FRMD3: variants seen among roughly 807,000 people sequenced by gnomAD.
FRMD3 encodes FERM domain containing 3.
In FRMD3, 33 loss-of-function variants were observed where a neutral mutation model predicts 70.2. The observed-to-expected ratio is 0.47, with a 90% CI of 0.36 to 0.63. FRMD3 has a LOEUF of 0.63. Ranked by LOEUF, FRMD3 falls within the 20% of genes least tolerant of loss-of-function variation. The probability of loss-of-function intolerance (pLI) is 0.00; values close to 1 mark genes in which losing one functional copy is unlikely to be tolerated. For missense variants in FRMD3, 632 were observed against 711.4 expected (o/e 0.89, Z 1.27); for synonymous variants, 279 against 255.9 (o/e 1.09, Z -0.86).
chr9:83,545,782 T>C, the FRMD3 span, among the ~76,000 whole-genome samples: 1 of 152,144 alleles, frequency 6.6e-6, no homozygotes, highest in African/African-American at 2.4e-5. Flanking sequence ...AAAACCTATT[T>C]GAGGGAATAA....
Position 83,467,075 on chromosome 9 carries a change from G to A in FRMD3, c.147+71010C>T, listed in dbSNP as rs184354020. Among the ~76,000 whole-genome samples the A allele has an allele frequency of 5.9e-5, 9 of 152,198 alleles. No homozygotes were observed. The South Asian group carries it at 1.5e-3, about 25-fold the overall frequency. ...AGCCTTGCATCTTAATATTGAGCAG[G>A]CTCTTAAAACAATCAAAAGAATTTC... On this transcript the variant is annotated intron_variant, in intron 1 of 13. Transcript: ENST00000304195.
At chr9:83,539,695 G>C (rs541800910), upstream of FRMD3, among the ~76,000 whole-genome samples, 1 of 152,208 alleles carries the variant, frequency 6.6e-6, no homozygotes, top group East Asian at 1.9e-4. Flanking sequence ...ATTGCATTTG[G>C]ACTTCTCTCT....
chr9:83,525,500 T>C (rs1345983583), intron 1 of FRMD3, among the ~76,000 whole-genome samples: 1 of 152,204 alleles, frequency 6.6e-6, no homozygotes. Context: ...TAAAGATAAA[T>C]TATTGCAGCA....
At chr9:83,260,754 C>T (rs1318795239) in intron 13 of FRMD3, among the ~76,000 whole-genome samples, 1 of 152,032 alleles carries the variant, frequency 6.6e-6, no homozygotes, top group Non-Finnish European at 1.5e-5. Flanking sequence ...TTCTATCAGT[C>T]CCTCAAATGT....
In FRMD3 at chr9:83,458,569, C is replaced by T. The variant is rs188844925; in HGVS notation, c.148-68861G>A. On this transcript the variant is annotated intron_variant, in intron 1 of 13. Transcript: ENST00000304195. ...CCTACCATAAAGCCGAAGAGAAAAC[C>T]TCCACTAAATGAGCTTCCTTCCACA... Among the ~76,000 whole-genome samples, 10 of 152,320 alleles carry T rather than the reference C, an allele frequency of 6.6e-5. No individual in the cohort carries two copies. In the East Asian group the frequency reaches 1.9e-3, roughly 29 times the overall value.
intron 1 of FRMD3, among the ~76,000 whole-genome samples, chr9:83,457,870 C>T (rs185616655): frequency 1.3e-5 from 2 of 152,052 alleles, no homozygotes; most frequent in Admixed American, 6.5e-5. Context: ...ACCATGTATA[C>T]ATATATCAAA....
intron 2 of FRMD3, among the ~76,000 whole-genome samples, chr9:83,389,101 C>G (rs928557372): frequency 6.6e-6 from 1 of 152,032 alleles, no homozygotes; most frequent in African/African-American, 2.4e-5. Context: ...GCACATGCCA[C>G]CATGCCCAGC....
chr9:83,412,677 G>A (rs1397156228), intron 1 of FRMD3, among the ~76,000 whole-genome samples: 1 of 152,172 alleles, frequency 6.6e-6, no homozygotes, highest in African/African-American at 2.4e-5. Flanking sequence ...GTTGACTAAA[G>A]GATGCTTTAA....
chr9:83,288,879 A>T (rs963253610), intron 13 of FRMD3, among the ~76,000 whole-genome samples: 14 of 152,174 alleles, frequency 9.2e-5, no homozygotes, highest in African/African-American at 3.4e-4. Context: ...TCCCTTTCAC[A>T]TCTTGGGGGA....
chr9:83,343,624 C>T (rs1196299868), intron 4 of FRMD3, among the ~76,000 whole-genome samples: 2 of 152,226 alleles, frequency 1.3e-5, no homozygotes, highest in Admixed American at 6.5e-5. Flanking sequence ...CCATGGCCAC[C>T]GTCATCACTA....
rs903432768 is a variant in FRMD3 at position 83,313,593 on chromosome 9, C to T, written c.684+67G>A. 1.7e-5 allele frequency: 21 copies of T among 1,268,926 alleles called. No individual in the cohort carries two copies. In the Admixed American group the frequency reaches 2.0e-4, roughly 12 times the overall value. 78.6% of individuals were successfully genotyped at this position (1,268,926 alleles called of 1,614,324 possible). A position where few individuals can be genotyped will look rare whatever the true frequency, so the allele number is the denominator to read the frequency against. On this transcript the variant is annotated intron_variant, in intron 7 of 13. Coordinates refer to ENST00000304195, the MANE Select transcript of FRMD3 (RefSeq NM_174938.6). Reference sequence around the variant, plus strand: ...ATTTAACAAGGCTCTGCCAGGCCTGCGCACAGATAAACTCTCTTTTGGGCA... The same window carrying T: ...ATTTAACAAGGCTCTGCCAGGCCTGTGCACAGATAAACTCTCTTTTGGGCA...
chr9:83,253,718 G>A (rs1243809008), intron 13 of FRMD3, among the ~76,000 whole-genome samples: 2 of 152,174 alleles, frequency 1.3e-5, no homozygotes, highest in Non-Finnish European at 2.9e-5. Flanking sequence ...AATTCCTCAA[G>A]GATCTAGAAC....
chr9:83,407,859 C>T (rs1564062609), intron 1 of FRMD3, among the ~76,000 whole-genome samples: 4 of 123,664 alleles, frequency 3.2e-5, no homozygotes, highest in African/African-American at 1.6e-4. Flanking sequence ...CTCTCTCTCT[C>T]TCTCTCTCTC....
At chr9:83,549,480 T>C in the FRMD3 span, among the ~76,000 whole-genome samples, 1 of 152,178 alleles carries the variant, frequency 6.6e-6, no homozygotes, top group East Asian at 1.9e-4. Flanking sequence ...AGTAATAGGA[T>C]TGCTGTGTTG....
At chr9:83,433,874 C>T (rs1827054279) in intron 1 of FRMD3, among the ~76,000 whole-genome samples, 1 of 152,172 alleles carries the variant, frequency 6.6e-6, no homozygotes. Flanking sequence ...GATGAAGCTT[C>T]ACTTGATCAC....
chr9:83,485,795 C>A (rs1828674656), intron 1 of FRMD3, among the ~76,000 whole-genome samples: 1 of 152,126 alleles, frequency 6.6e-6, no homozygotes, highest in Non-Finnish European at 1.5e-5. Flanking sequence ...TGTACTGTGT[C>A]ATTCACATAC....
At chr9:83,453,309 A>G (rs914963422) in intron 1 of FRMD3, among the ~76,000 whole-genome samples, 1 of 152,214 alleles carries the variant, frequency 6.6e-6, no homozygotes, top group Non-Finnish European at 1.5e-5. Context: ...GTGCAAGACT[A>G]TGTCTACGCT....
intron 6 of FRMD3, among the ~76,000 whole-genome samples, chr9:83,319,795 T>C (rs1039029505): frequency 2.0e-5 from 3 of 152,184 alleles, no homozygotes; most frequent in African/African-American, 7.2e-5. Flanking sequence ...CTGCACAAGC[T>C]CTCTCTTTGC....
intron 13 of FRMD3, among the ~76,000 whole-genome samples, chr9:83,261,798 A>G (rs970126678): frequency 2.6e-5 from 4 of 152,220 alleles, no homozygotes; most frequent in African/African-American, 9.6e-5. Context: ...TTAAAAATCC[A>G]AACTCTGAAG....
Sources: gnomAD v4.1 joint callset for allele counts (sites outside exome capture counted in the v4.1 genomes callset) on GRCh38, gnomAD v4.1.1 for gene constraint, MANE v1.5 for transcripts, NCBI Gene and HGNC (gene_info 2026-07-23, HGNC 2026-07-21) for gene names.